Variants in NRG3 observed in about 807,000 individuals in gnomAD.
The protein encoded by NRG3 is neuregulin 3.
Under a neutral mutation model 66.9 loss-of-function variants are expected in NRG3, and 31 were observed. That is an observed-to-expected ratio of 0.46 (90% CI 0.35 to 0.63). NRG3 has a LOEUF of 0.63. NRG3 is among the 20% of genes least tolerant of loss of function. NRG3 has a pLI of 0.00. For synonymous variants in NRG3, 393 were observed against 359.4 expected (o/e 1.09, Z -1.06); for missense variants, 910 against 878.9 (o/e 1.04, Z -0.45).
chr10:82,823,500 G>C (rs1335491182), intron 3 of NRG3, among the ~76,000 whole-genome samples: 3 of 152,190 alleles, frequency 2.0e-5, no homozygotes, highest in South Asian at 2.1e-4. Flanking sequence ...AGCTGAGAGA[G>C]TGGTGAGGGA....
chr10:82,563,113 T>C (rs370692815), intron 2 of NRG3, among the ~76,000 whole-genome samples: 29 of 152,282 alleles, frequency 1.9e-4, no homozygotes, highest in African/African-American at 6.7e-4. Context: ...GGCATCCAGA[T>C]CCATAGTCAT....
At chr10:82,797,630 G>A (rs772822179) in intron 3 of NRG3, among the ~76,000 whole-genome samples, 1 of 152,044 alleles carries the variant, frequency 6.6e-6, no homozygotes, top group East Asian at 1.9e-4. Flanking sequence ...AAAGTACCTC[G>A]AATCTGTTCT....
intron 2 of NRG3, among the ~76,000 whole-genome samples, chr10:82,458,761 A>C (rs1364404488): frequency 6.6e-6 from 1 of 152,186 alleles, no homozygotes; most frequent in Non-Finnish European, 1.5e-5. Context: ...AAAGGGAAGA[A>C]AGAATATGTA....
intron 1 of NRG3, 71 bp downstream of exon 1, chr10:81,876,234 C>T: frequency 2.7e-6 from 4 of 1,492,270 alleles, no homozygotes; most frequent in Non-Finnish European, 3.6e-6. Context: ...TGTCTTTTTC[C>T]CTCGCCGCCT....
At chr10:82,887,558 T>A (rs1053081179) in intron 4 of NRG3, among the ~76,000 whole-genome samples, 5 of 152,240 alleles carry the variant, frequency 3.3e-5, no homozygotes, top group Admixed American at 1.3e-4. Context: ...CACGTATAAA[T>A]CACAGGTATA....
rs189352566 is a variant in NRG3 at position 82,141,452 on chromosome 10, G to C, written c.824-217287G>C. 1.2e-3 allele frequency among the ~76,000 whole-genome samples: 183 copies of C among 152,206 alleles called. 1 individual carries two copies. The highest frequency in any genetic ancestry group is 2.0e-3 in the Non-Finnish European group (138 of 68,024). ...TTATGTACCTGCTGCCTATGGACTT[G>C]AGTTTTACAGAAAGAAAGCATTACT... is the stretch of plus-strand genomic sequence containing the variant. On this transcript the variant is annotated intron_variant, in intron 1 of 8. Coordinates refer to ENST00000372141, the MANE Select transcript of NRG3 (RefSeq NM_001010848.4).
intron 1 of NRG3, among the ~76,000 whole-genome samples, chr10:82,305,049 C>A (rs796344764): frequency 1.2e-4 from 15 of 122,794 alleles, no homozygotes; most frequent in African/African-American, 4.5e-4. Context: ...GGCTGGAGTG[C>A]AGTGGTGCGA....
At chr10:82,595,245 TACTC>T (rs1286599342) in intron 2 of NRG3, among the ~76,000 whole-genome samples, 1 of 152,200 alleles carries the variant, frequency 6.6e-6, no homozygotes, top group Admixed American at 6.5e-5. Flanking sequence ...GTAGTGAACT[TACTC>T]ACTACAGAGG....
At chr10:82,224,807 C>T (rs1182654550) in intron 1 of NRG3, among the ~76,000 whole-genome samples, 4 of 151,970 alleles carry the variant, frequency 2.6e-5, no homozygotes, top group Admixed American at 6.6e-5. Flanking sequence ...TCATCATAAG[C>T]ACAGTAAAAA....
chr10:82,037,592 C>T (rs1020124432), intron 1 of NRG3, among the ~76,000 whole-genome samples: 30 of 152,084 alleles, frequency 2.0e-4, no homozygotes, highest in Non-Finnish European at 1.3e-4. Flanking sequence ...AACTCATGGT[C>T]TTTTAAACAG....
intron 2 of NRG3, among the ~76,000 whole-genome samples, chr10:82,377,399 GAGAA>G (rs2085310880): frequency 6.6e-6 from 1 of 151,176 alleles, no homozygotes; most frequent in Admixed American, 6.6e-5. Context: ...AGTAATCTGA[GAGAA>G]AGAGAGAGAG....
At position 82,533,607 on chromosome 10, in the gene NRG3, T is replaced by A. The variant is rs1419203228; in HGVS notation, c.953+174739T>A. Among the ~76,000 whole-genome samples the A allele has an allele frequency of 2.0e-5, 3 of 152,164 alleles. No individual in the cohort carries two copies. The East Asian group carries it at 5.8e-4, about 29-fold the overall frequency. On this transcript the variant is annotated intron_variant, in intron 2 of 8. Coordinates refer to ENST00000372141, the MANE Select transcript of NRG3 (RefSeq NM_001010848.4). ...AATTACTTCAACATAATGAAGGCCA[T>A]ATATGAAAAGTTTACAGCTACCATT...
At chr10:82,311,613 T>A (rs546526567) in intron 1 of NRG3, among the ~76,000 whole-genome samples, 1 of 152,132 alleles carries the variant, frequency 6.6e-6, no homozygotes, top group Non-Finnish European at 1.5e-5. Context: ...GCAGGTAGGA[T>A]CAGGAAAGCA....
intron 1 of NRG3, among the ~76,000 whole-genome samples, chr10:82,116,945 C>T (rs1412182772): frequency 6.6e-6 from 1 of 152,066 alleles, no homozygotes; most frequent in Admixed American, 6.6e-5. Context: ...AGGCTTTGCC[C>T]TCAACAAGCT....
At chr10:82,444,728 G>T (rs2090624988) in intron 2 of NRG3, among the ~76,000 whole-genome samples, 1 of 152,114 alleles carries the variant, frequency 6.6e-6, no homozygotes, top group African/African-American at 2.4e-5. Flanking sequence ...AGTTTTCATT[G>T]AAACTATATT....
rs186346874 is a variant in NRG3, at chr10:81,990,844, C to T, written c.823+114681C>T. Among the ~76,000 whole-genome samples the T allele has an allele frequency of 2.2e-3, 332 of 151,880 alleles. 1 individual carries two copies. The highest frequency in any genetic ancestry group is 0.01 in the Middle Eastern group (3 of 294). On this transcript the variant is annotated intron_variant, in intron 1 of 8. Coordinates refer to ENST00000372141, the MANE Select transcript of NRG3 (RefSeq NM_001010848.4). ...AACTTTTTCCTCTTAAGAAAAATCCCGTTGCTTAAAATTAAAAAAAATAAA... is the reference window on the plus strand; with the variant it reads ...AACTTTTTCCTCTTAAGAAAAATCCTGTTGCTTAAAATTAAAAAAAATAAA...
At chr10:82,773,192 A>C (rs1037246710) in intron 3 of NRG3, among the ~76,000 whole-genome samples, 1 of 152,082 alleles carries the variant, frequency 6.6e-6, no homozygotes, top group Non-Finnish European at 1.5e-5. Flanking sequence ...ATACTAATCT[A>C]CATTCCCGCC....
chr10:82,020,441 C>G (rs1166922575), intron 1 of NRG3, among the ~76,000 whole-genome samples: 1 of 152,028 alleles, frequency 6.6e-6, no homozygotes, highest in African/African-American at 2.4e-5. Context: ...AGGATACATT[C>G]TAGGGATAGA....
At chr10:82,926,691 G>A (rs547654850) in intron 4 of NRG3, among the ~76,000 whole-genome samples, 7 of 152,302 alleles carry the variant, frequency 4.6e-5, no homozygotes, top group South Asian at 4.1e-4. Flanking sequence ...AAAATTCAGG[G>A]ACATTGATTA....
Sources: gnomAD v4.1 joint callset for allele counts (sites outside exome capture counted in the v4.1 genomes callset) on GRCh38, gnomAD v4.1.1 for gene constraint, MANE v1.5 for transcripts, NCBI Gene and HGNC (gene_info 2026-07-23, HGNC 2026-07-21) for gene names.